The following SDCBP variants were observed in gnomAD, a reference collection of about 807,000 sequenced individuals.
SDCBP encodes syntenin-1.
A neutral mutation model predicts 30.5 loss-of-function variants in SDCBP; 22 were observed. The observed-to-expected ratio is 0.72, with a 90% CI of 0.52 to 1.03. The LOEUF (loss-of-function observed/expected upper bound fraction) is 1.03. SDCBP is among the 50% of genes least tolerant of loss of function. The pLI is 0.00. For synonymous variants in SDCBP, 103 were observed against 118.7 expected (o/e 0.87, Z 0.86); for missense variants, 304 against 369.9 (o/e 0.82, Z 1.46).
chr8:58,572,292 T>C lies in SDCBP; in HGVS notation c.218T>C (p.Val73Ala). ...GAAATACGTGCAAATGTGGCCGTGG[T>C]TTCTGGTGCACCACTTCAGGGGGTA... The part of the protein sequence containing the change: ...EEEIRANVAV[V>A]SGAPLQGQLV... Residue 73 changes from valine (V) to alanine (A), a missense_variant, in exon 4 of 9, where the codon GTT (valine) becomes GCT (alanine). By Grantham distance (64) the Val-to-Ala change is moderately conservative. Coordinates refer to ENST00000260130, the MANE Select transcript of SDCBP (RefSeq NM_005625.4). 6.2e-7 allele frequency: 1 copy of C among 1,610,820 alleles called. No homozygotes were observed. The highest frequency in any genetic ancestry group is 8.5e-7 in the Non-Finnish European group (1 of 1,177,864).
intron 4 of SDCBP, among the ~76,000 whole-genome samples, chr8:58,574,360 A>C (rs1440602597): frequency 6.6e-6 from 1 of 152,230 alleles, no homozygotes; most frequent in African/African-American, 2.4e-5. Flanking sequence ...CTGTATTTAC[A>C]GAAAATATAC....
chr8:58,564,368 T>C (rs1804596431), intron 1 of SDCBP, among the ~76,000 whole-genome samples: 1 of 152,200 alleles, frequency 6.6e-6, no homozygotes, highest in Non-Finnish European at 1.5e-5. Context: ...GAGAATTGTG[T>C]TTTAAATTAT....
chr8:58,579,532 G>A, intron 6 of SDCBP, 91 bp from the exon 7 acceptor site: 1 of 926,726 alleles, frequency 1.1e-6, no homozygotes, highest in Non-Finnish European at 1.5e-6. Flanking sequence ...TATTATAAAA[G>A]TATCCAATAT....
At chr8:58,572,120 G>T in intron 3 of SDCBP, 85 bp from the exon 4 acceptor site, 2 of 746,496 alleles carry the variant, frequency 2.7e-6, no homozygotes, top group Non-Finnish European at 4.5e-6. Context: ...GTGTAATTTT[G>T]TTAATACGCA....
chr8:58,573,220 A>G (rs1805130589), intron 4 of SDCBP, among the ~76,000 whole-genome samples: 1 of 152,152 alleles, frequency 6.6e-6, no homozygotes, highest in African/African-American at 2.4e-5. Context: ...GGTTATTGCT[A>G]TGACCATAGC....
At chr8:58,578,480 G>T in intron 6 of SDCBP, 1 of 255,338 alleles carries the variant, frequency 3.9e-6, no homozygotes. Flanking sequence ...GGGCATCTCT[G>T]GGCTCACTTT....
At position 58,570,956 on chromosome 8, in the gene SDCBP, C is replaced by T. The variant is rs777855850; in HGVS notation, c.121C>T (p.His41Tyr). 4 of 1,608,854 alleles carry T rather than the reference C, an allele frequency of 2.5e-6. No homozygotes were observed. In the South Asian group the frequency reaches 4.4e-5, roughly 18 times the overall value. Reference protein sequence around the residue: ...ILSEASAPIPHDGNLYPRLYP... With the variant: ...ILSEASAPIPYDGNLYPRLYP... ...GTCAGAAGCTTCTGCTCCTATCCCT[C>T]ACGATGGAAGTAGGTTTATACTTTG... Residue 41 changes from histidine (H) to tyrosine (Y), a missense_variant, in exon 3 of 9, where the codon CAC becomes TAC. Coordinates refer to ENST00000260130, the MANE Select transcript of SDCBP (RefSeq NM_005625.4).
At chr8:58,573,545 C>G (rs1805154404) in intron 4 of SDCBP, among the ~76,000 whole-genome samples, 1 of 152,160 alleles carries the variant, frequency 6.6e-6, no homozygotes, top group South Asian at 2.1e-4. Flanking sequence ...AGCTGGGACT[C>G]AGACCTTGGA....
intron 1 of SDCBP, chr8:58,561,501 G>T (rs1053144028): frequency 8.9e-6 from 3 of 337,720 alleles, no homozygotes; most frequent in African/African-American, 4.2e-5. Flanking sequence ...GAGATTCTGT[G>T]GGACTCTAAG....
At position 58,582,845 on chromosome 8, in the gene SDCBP, C is replaced by T. The variant is rs1805764177; in HGVS notation, c.*1105C>T. On this transcript the variant is annotated 3_prime_UTR_variant, in exon 9 of 9. Coordinates refer to ENST00000260130, the MANE Select transcript of SDCBP (RefSeq NM_005625.4). Reference sequence around the variant, plus strand: ...AATTAAATATGTATAAATAAAGTTACATTTTAGTCTGTCTATTACTGCATC... The same window carrying T: ...AATTAAATATGTATAAATAAAGTTATATTTTAGTCTGTCTATTACTGCATC... 2 of 152,406 alleles carry T rather than the reference C, an allele frequency of 1.3e-5. No homozygotes were observed. The highest frequency in any genetic ancestry group is 4.8e-5 in the African/African-American group (2 of 41,384). The allele number at this position is 152,406 out of a possible 1,614,324, so 9.4% of individuals were successfully genotyped here.
chr8:58,560,094 A>C (rs1052788265), intron 1 of SDCBP, among the ~76,000 whole-genome samples: 1 of 152,146 alleles, frequency 6.6e-6, no homozygotes, highest in Non-Finnish European at 1.5e-5. Context: ...TTAGATTAGC[A>C]GGCACTCACC....
intron 4 of SDCBP, 91 bp downstream of exon 4, chr8:58,572,405 A>C: frequency 1.2e-6 from 1 of 815,928 alleles, no homozygotes; most frequent in Non-Finnish European, 2.0e-6. Flanking sequence ...TCACAGATAT[A>C]CTACTAGCAT....
At chr8:58,576,763 A>G (rs1330756958) in intron 5 of SDCBP, among the ~76,000 whole-genome samples, 2 of 152,156 alleles carry the variant, frequency 1.3e-5, no homozygotes, top group Non-Finnish European at 2.9e-5. Context: ...CTTTACCCCA[A>G]TTTATAGTTT....
chr8:58,573,271 T>C (rs559982324), intron 4 of SDCBP, among the ~76,000 whole-genome samples: 39 of 152,202 alleles, frequency 2.6e-4, no homozygotes, highest in Non-Finnish European at 4.6e-4. Flanking sequence ...AATCTGTGTC[T>C]GTCTTGTTGC....
chr8:58,577,671 A>G (rs898703728), intron 5 of SDCBP, among the ~76,000 whole-genome samples: 1 of 152,190 alleles, frequency 6.6e-6, no homozygotes, highest in African/African-American at 2.4e-5. Context: ...ATAATTTGGT[A>G]TTCTATCAGA....
chr8:58,576,056 G>T lies in SDCBP; in HGVS notation c.397G>T (p.Asp133Tyr). 6.2e-7 allele frequency: 1 copy of T among 1,604,258 alleles called. No homozygotes were observed. The highest frequency in any genetic ancestry group is 8.5e-7 in the Non-Finnish European group (1 of 1,171,560). ...GKIGLRLKSIDNGIFVQLVQA... is the reference protein window; with the variant it reads ...GKIGLRLKSIYNGIFVQLVQA... ...AATTGGACTCAGGCTTAAATCAATA[G>T]ATAATGTAAGTATTTTAAATACCTA... Residue 133 changes from aspartate to tyrosine, a missense_variant, in exon 5 of 9, where the codon GAT becomes TAT. Transcript: ENST00000260130.
At chr8:58,571,028 A>G in intron 3 of SDCBP, 63 bp downstream of exon 3, 3 of 1,264,340 alleles carry the variant, frequency 2.4e-6, no homozygotes, top group African/African-American at 1.5e-5. Flanking sequence ...TTTTGCTCAT[A>G]TAAGGAATCC....
intron 1 of SDCBP, among the ~76,000 whole-genome samples, chr8:58,559,072 G>T (rs1326094984): frequency 6.6e-6 from 1 of 152,086 alleles, no homozygotes; most frequent in Admixed American, 6.5e-5. Context: ...GGTAATATTT[G>T]TTATTTAAAA....
chr8:58,573,925 T>C (rs1200973017), intron 4 of SDCBP, among the ~76,000 whole-genome samples: 2 of 152,200 alleles, frequency 1.3e-5, no homozygotes, highest in Non-Finnish European at 2.9e-5. Flanking sequence ...AGTTTCTCCT[T>C]GAAAGATGAA....
Sources: allele counts gnomAD v4.1 joint callset (sites outside exome capture counted in the v4.1 genomes callset), GRCh38; gene constraint gnomAD v4.1.1; transcripts MANE v1.5; gene names NCBI Gene and HGNC (gene_info 2026-07-23, HGNC 2026-07-21).